The following CTPS1 variants were observed in gnomAD, a reference collection of about 807,000 sequenced individuals.
The protein encoded by CTPS1 is CTP synthase 1, also known as CTP synthetase 1.
CTPS1 carries 25 observed loss-of-function variants against 80.5 expected under a neutral mutation model. The ratio of observed to expected loss-of-function variants is 0.31; its 90% CI spans 0.23 to 0.43. The LOEUF is 0.43. CTPS1 is among the 20% of genes least tolerant of loss of function. The pLI, the probability that CTPS1 is intolerant of heterozygous loss-of-function variation, is 1.00. For synonymous variants in CTPS1, 267 were observed against 252.5 expected (o/e 1.06, Z -0.54); for missense variants, 442 against 725.7 (o/e 0.61, Z 4.49).
At chr1:40,991,519 A>T (rs1347660854) in intron 6 of CTPS1, among the ~76,000 whole-genome samples, 1 of 152,156 alleles carries the variant, frequency 6.6e-6, no homozygotes, top group Admixed American at 6.5e-5. Flanking sequence ...GGAAAATCCC[A>T]GAGCTCTTGT....
chr1:41,010,110 T>C, intron 17 of CTPS1, 51 bp from the exon 18 acceptor site: 1 of 1,361,944 alleles, frequency 7.3e-7, no homozygotes, highest in Non-Finnish European at 1.0e-6. Flanking sequence ...AACAGGGACG[T>C]AAAGTGAGTT....
At chr1:40,991,616 A>C (rs1642612870) in intron 6 of CTPS1, 149 bp from the exon 7 acceptor site, 2 of 597,560 alleles carry the variant, frequency 3.3e-6, no homozygotes, top group Middle Eastern at 5.4e-4. Context: ...AACGAGTCAT[A>C]ATATTTTTAT....
At position 40,991,841 on chromosome 1, in the gene CTPS1, A is replaced by T. The variant is rs1642618572; in HGVS notation, c.716A>T (p.Glu239Val). The change falls in exon 7 of 19, where the codon GAA (glutamate) becomes GTA (valine). Residue 239 changes from glutamate (E) to valine (V), a missense_variant. By Grantham distance (121) the Glu-to-Val change is moderately radical. This residue lies in a region of CTPS1 where 321 missense variants were observed against 467.2 expected (regional missense o/e 0.69). Transcript: ENST00000650070. Reference protein sequence around the residue: ...KISMFCHVEPEQVICVHDVSS... With the variant: ...KISMFCHVEPVQVICVHDVSS... ...TCAATGTTCTGCCATGTTGAGCCTG[A>T]ACAAGTGAGTAGAAATTCCCATCTC... is the stretch of plus-strand genomic sequence containing the variant. 9 of 1,612,784 alleles carry T rather than the reference A, an allele frequency of 5.6e-6. No individual in the cohort carries two copies. Among genetic ancestry groups the T allele is most frequent in the Non-Finnish European group, 7.6e-6 (9 of 1,178,864 alleles).
rs1184418239 is a variant in CTPS1 at position 40,984,900 on chromosome 1, C to G, written c.246C>G (p.Leu82=). Residue 82 remains leucine (L), a synonymous_variant, in exon 3 of 19, where the codon CTC becomes CTG. Coordinates refer to ENST00000650070, the MANE Select transcript of CTPS1 (RefSeq NM_001905.4). ...GNYERFLDIR[L]TKDNNLTTGK... ...ATGAGCGGTTCCTTGACATCCGCCTCACCAAGGACAATAATCTGACCACTG... is the reference window on the plus strand; with the variant it reads ...ATGAGCGGTTCCTTGACATCCGCCTGACCAAGGACAATAATCTGACCACTG... 6.2e-7 allele frequency: 1 copy of G among 1,606,496 alleles called. No homozygotes were observed. Among genetic ancestry groups the G allele is most frequent in the African/African-American group, 1.3e-5 (1 of 74,808 alleles).
At chr1:40,986,654 C>T (rs773867525) in intron 3 of CTPS1, among the ~76,000 whole-genome samples, 1 of 152,174 alleles carries the variant, frequency 6.6e-6, no homozygotes, top group Non-Finnish European at 1.5e-5. Flanking sequence ...GTAATCTTCA[C>T]CTTTTAGGAA....
chr1:41,009,667 C>G, intron 17 of CTPS1, 78 bp downstream of exon 17: 2 of 1,530,404 alleles, frequency 1.3e-6, no homozygotes, highest in Non-Finnish European at 1.8e-6. Context: ...TACAGCAACA[C>G]GTCACAGTCA....
chr1:40,988,841 G>A (rs952885786), intron 5 of CTPS1, 131 bp downstream of exon 5: 1 of 646,688 alleles, frequency 1.5e-6, no homozygotes, highest in African/African-American at 1.8e-5. Flanking sequence ...AAAGAACTTT[G>A]TAAGTTTAAA....
At chr1:40,984,716 AC>A in intron 2 of CTPS1, 104 bp from the exon 3 acceptor site, 1 of 859,862 alleles carries the variant, frequency 1.2e-6, no homozygotes, top group Non-Finnish European at 1.7e-6. Flanking sequence ...GCTTCCTATT[AC>A]GTAATTGCAC....
At chr1:41,004,261 G>GT (rs1336983930) in intron 12 of CTPS1, 2 of 152,368 alleles carry the variant, frequency 1.3e-5, no homozygotes, top group Admixed American at 6.5e-5. Flanking sequence ...TGTAAAAGCA[G>GT]TTTGACTTTA....
chr1:41,000,295 T>G (rs970277246), intron 9 of CTPS1, among the ~76,000 whole-genome samples: 9 of 152,124 alleles, frequency 5.9e-5, no homozygotes, highest in African/African-American at 9.7e-5. Context: ...CAGGCTGGAG[T>G]GCAGTGGCAT....
At chr1:40,991,106 C>A in intron 5 of CTPS1, 59 bp from the exon 6 acceptor site, 3 of 1,266,734 alleles carry the variant, frequency 2.4e-6, no homozygotes, top group Non-Finnish European at 3.3e-6. Context: ...AAAAGTCATA[C>A]TTGAAAATTC....
In CTPS1 at chr1:41,012,554, C is replaced by T. The variant is rs542816936; in HGVS notation, c.*906C>T. ...TAACTTAAGAAATAAATCAGTAAGGCAGAACAAGAGACATGCTTTGCTTCT... is the reference window on the plus strand; with the variant it reads ...TAACTTAAGAAATAAATCAGTAAGGTAGAACAAGAGACATGCTTTGCTTCT... On this transcript the variant is annotated 3_prime_UTR_variant, in exon 19 of 19. Transcript: ENST00000650070. 1.3e-5 allele frequency: 2 copies of T among 152,258 alleles called. No homozygotes were observed. Among genetic ancestry groups the T allele is most frequent in the Admixed American group, 1.3e-4 (2 of 15,298 alleles). 9.4% of individuals were successfully genotyped at this position (152,258 alleles called of 1,614,324 possible).
At chr1:40,999,043 G>A (rs138602741) in intron 9 of CTPS1, among the ~76,000 whole-genome samples, 4 of 152,294 alleles carry the variant, frequency 2.6e-5, no homozygotes, top group South Asian at 2.1e-4. Context: ...AACGGTCTCC[G>A]CCTTTAAGGA....
chr1:40,994,839 A>C (rs1170195512), intron 7 of CTPS1, among the ~76,000 whole-genome samples: 1 of 152,138 alleles, frequency 6.6e-6, no homozygotes, highest in African/African-American at 2.4e-5. Flanking sequence ...CCCTAATCTT[A>C]ATTTACCAAT....
chr1:41,000,193 C>T (rs1570968621), intron 9 of CTPS1, among the ~76,000 whole-genome samples: 1 of 151,944 alleles, frequency 6.6e-6, no homozygotes, highest in South Asian at 2.1e-4. Context: ...TAGAGGGGCA[C>T]ATTCTGGGAA....
At chr1:41,005,902 G>A (rs1643021919) in intron 12 of CTPS1, 149 bp from the exon 13 acceptor site, 2 of 659,508 alleles carry the variant, frequency 3.0e-6, no homozygotes, top group South Asian at 3.6e-5. Context: ...ATCTCGTCTG[G>A]GGATGAGGTC....
At chr1:41,009,712 GAA>G in intron 17 of CTPS1, 123 bp downstream of exon 17, 1 of 1,169,284 alleles carries the variant, frequency 8.6e-7, no homozygotes, top group Non-Finnish European at 1.2e-6. Context: ...CGCCTGGGGT[GAA>G]AGTTTCCTCT....
At chr1:41,004,472 A>T (rs533689870) in intron 12 of CTPS1, among the ~76,000 whole-genome samples, 1 of 152,214 alleles carries the variant, frequency 6.6e-6, no homozygotes, top group South Asian at 2.1e-4. Flanking sequence ...GTCTCCCTGG[A>T]TCCTTCACAG....
At chr1:40,996,899 A>T (rs966800198) in intron 8 of CTPS1, among the ~76,000 whole-genome samples, 5 of 152,056 alleles carry the variant, frequency 3.3e-5, no homozygotes, top group African/African-American at 1.2e-4. Flanking sequence ...AATTCTTGTG[A>T]ATTGTCTATG....
Sources: allele counts gnomAD v4.1 joint callset (sites outside exome capture counted in the v4.1 genomes callset), GRCh38; gene constraint gnomAD v4.1.1; regional missense constraint gnomAD v4.1.1; transcripts MANE v1.5; gene names NCBI Gene and HGNC (gene_info 2026-07-23, HGNC 2026-07-21).